AGO3: variants seen among roughly 807,000 people sequenced by gnomAD.
AGO3 encodes argonaute RISC catalytic component 3.
In AGO3, 16 loss-of-function variants were observed where a neutral mutation model predicts 105.5. The ratio of observed to expected loss-of-function variants is 0.15; its 90% CI spans 0.10 to 0.23. The LOEUF is 0.23. Ranked by LOEUF, AGO3 falls within the 10% of genes least tolerant of loss-of-function variation. The pLI is 1.00. For missense variants in AGO3, 534 were observed against 1,088.0 expected, an observed-to-expected ratio of 0.49 and a Z score of 7.16; for synonymous variants, 340 against 367.3, an observed-to-expected ratio of 0.93 and a Z score of 0.85.
At chr1:36,009,680 C>A in intron 9 of AGO3, 86 bp downstream of exon 9, 2 of 1,309,150 alleles carry the variant, frequency 1.5e-6, no homozygotes, top group Non-Finnish European at 2.1e-6. Flanking sequence ...TCAACCCATA[C>A]CTTATGACCA....
chr1:35,971,888 A>C (rs1041852402), intron 3 of AGO3, 136 bp from the exon 4 acceptor site: 11 of 728,594 alleles, frequency 1.5e-5, no homozygotes, highest in East Asian at 5.9e-5. Flanking sequence ...TTTTATCTAC[A>C]AAAAAAAATG....
chr1:35,953,007 T>A (rs1646501386), intron 2 of AGO3, among the ~76,000 whole-genome samples: 1 of 152,374 alleles, frequency 6.6e-6, no homozygotes, highest in Middle Eastern at 3.4e-3. Flanking sequence ...ATAATGCTGC[T>A]ATAAACATTC....
intron 11 of AGO3, among the ~76,000 whole-genome samples, chr1:36,023,382 A>G (rs1641337733): frequency 6.6e-6 from 1 of 152,230 alleles, no homozygotes; most frequent in Non-Finnish European, 1.5e-5. Flanking sequence ...TAAAAGAAAA[A>G]CTAGACAAAT....
rs772112154 is a variant in AGO3 at position 35,931,437 on chromosome 1, G to C, written c.11G>C (p.Gly4Ala). 3 of 1,517,560 alleles carry C rather than the reference G, an allele frequency of 2.0e-6. 1 individual carries two copies. The South Asian group carries it at 3.8e-5, about 19-fold the overall frequency. 94.0% of individuals were successfully genotyped at this position (1,517,560 alleles called of 1,614,324 possible). ...CCCCCAGCTCCATGAATGGAAATCG[G>C]CTCCGCAGGTGAGTCAGAGTAGCTG... MEI[G>A]SAGPAGAQPL... The change falls in exon 1 of 19, where the codon GGC becomes GCC. Residue 4 changes from glycine to alanine, a missense_variant. By Grantham distance (60) the Gly-to-Ala change is moderately conservative (BLOSUM62 0). Coordinates refer to ENST00000373191, the MANE Select transcript of AGO3 (RefSeq NM_024852.4).
Position 36,069,391 on chromosome 1 carries a change from C to T in AGO3, c.*13646C>T, listed in dbSNP as rs1293176293. 6.6e-6 allele frequency: 1 copy of T among 151,778 alleles called. No homozygotes were observed. The highest frequency in any genetic ancestry group is 1.5e-5 in the Non-Finnish European group (1 of 68,030). 9.4% of individuals were successfully genotyped at this position (151,778 alleles called of 1,614,324 possible). Reference sequence around the variant, plus strand: ...AGTGCTGGGATTATAGGCATGATCACTAAATTGTTGTAAGAATAAGATAAT... The same window carrying T: ...AGTGCTGGGATTATAGGCATGATCATTAAATTGTTGTAAGAATAAGATAAT... On this transcript the variant is annotated 3_prime_UTR_variant, in exon 19 of 19. Coordinates refer to ENST00000373191, the MANE Select transcript of AGO3 (RefSeq NM_024852.4).
chr1:35,993,669 A>G (rs1261898550), intron 5 of AGO3, among the ~76,000 whole-genome samples: 1 of 151,994 alleles, frequency 6.6e-6, no homozygotes, highest in African/African-American at 2.4e-5. Flanking sequence ...TAATGTAAGG[A>G]AAAATAACAT....
intron 1 of AGO3, among the ~76,000 whole-genome samples, chr1:35,936,306 G>C (rs1014658879): frequency 2.0e-5 from 3 of 151,786 alleles, no homozygotes; most frequent in Admixed American, 1.3e-4. Context: ...TCACACAACT[G>C]ATGCTTTCTC....
chr1:36,003,338 A>G (rs578100181), intron 5 of AGO3, among the ~76,000 whole-genome samples: 14 of 152,286 alleles, frequency 9.2e-5, no homozygotes, highest in African/African-American at 3.1e-4. Flanking sequence ...TTAAGAAATC[A>G]TAGTGGTTGA....
intron 11 of AGO3, among the ~76,000 whole-genome samples, chr1:36,016,285 G>A (rs961710114): frequency 3.9e-5 from 6 of 152,110 alleles, no homozygotes; most frequent in Admixed American, 1.3e-4. Flanking sequence ...AGGTTCAAGC[G>A]GTTCTCCTGC....
chr1:36,043,279 A>G, intron 16 of AGO3, 168 bp from the exon 17 acceptor site: 1 of 586,258 alleles, frequency 1.7e-6, no homozygotes. Flanking sequence ...ATGTAAGAAT[A>G]GGAACTAGGA....
chr1:36,003,236 A>G (rs1640176962), intron 5 of AGO3, among the ~76,000 whole-genome samples: 1 of 151,914 alleles, frequency 6.6e-6, no homozygotes, highest in Non-Finnish European at 1.5e-5. Context: ...CCTATATAAC[A>G]CATAATAGCC....
intron 11 of AGO3, among the ~76,000 whole-genome samples, chr1:36,019,190 C>G (rs747758854): frequency 6.6e-6 from 1 of 152,126 alleles, no homozygotes; most frequent in Admixed American, 6.6e-5. Flanking sequence ...GGTGAAAATA[C>G]ACTTTGGCAT....
chr1:35,999,561 T>C (rs1045516177), intron 5 of AGO3, among the ~76,000 whole-genome samples: 5 of 152,220 alleles, frequency 3.3e-5, no homozygotes, highest in African/African-American at 1.2e-4. Flanking sequence ...GAGATACTTA[T>C]TACTTCCATA....
chr1:35,946,830 C>T (rs12137062), intron 2 of AGO3, among the ~76,000 whole-genome samples: 1 of 152,166 alleles, frequency 6.6e-6, no homozygotes, highest in South Asian at 2.1e-4. Context: ...ATGCAGAGTT[C>T]TTTGTGAGGT....
At chr1:35,958,592 G>T in intron 2 of AGO3, among the ~76,000 whole-genome samples, 1 of 151,652 alleles carries the variant, frequency 6.6e-6, no homozygotes, top group Middle Eastern at 3.2e-3. Flanking sequence ...GGCAGAGGTT[G>T]CTGTGAGCTG....
chr1:35,995,449 C>G (rs901508155), intron 5 of AGO3, among the ~76,000 whole-genome samples: 2 of 151,600 alleles, frequency 1.3e-5, no homozygotes, highest in African/African-American at 2.4e-5. Flanking sequence ...CAGAATAGAC[C>G]CACTAATGTA....
At chr1:35,934,063 CTT>C (rs1231531517) in intron 1 of AGO3, among the ~76,000 whole-genome samples, 1 of 152,110 alleles carries the variant, frequency 6.6e-6, no homozygotes, top group Non-Finnish European at 1.5e-5. Context: ...GTCTGTGACT[CTT>C]TAGTTGGGGA....
At chr1:35,995,402 T>TAAG (rs899449122) in intron 5 of AGO3, among the ~76,000 whole-genome samples, 12 of 151,946 alleles carry the variant, frequency 7.9e-5, no homozygotes, top group African/African-American at 2.9e-4. Flanking sequence ...AAAACAGTGA[T>TAAG]ACTGGGGTAA....
rs1013519880 is a variant in AGO3, at chr1:36,065,929, C to G, written c.*10184C>G. On this transcript the variant is annotated 3_prime_UTR_variant, in exon 19 of 19. Transcript: ENST00000373191. ...ACCAGCCTGGCCAACATGGCAAAACCCTGTCTCTTCTAAAAATACAAAAAT... is the reference window on the plus strand; with the variant it reads ...ACCAGCCTGGCCAACATGGCAAAACGCTGTCTCTTCTAAAAATACAAAAAT... 2.0e-5 allele frequency: 3 copies of G among 151,800 alleles called. No individual in the cohort carries two copies. The highest frequency in any genetic ancestry group is 2.9e-5 in the Non-Finnish European group (2 of 68,114). 9.4% of individuals were successfully genotyped at this position (151,800 alleles called of 1,614,324 possible).
Sources: allele counts gnomAD v4.1 joint callset (sites outside exome capture counted in the v4.1 genomes callset), GRCh38; gene constraint gnomAD v4.1.1; transcripts MANE v1.5; gene names NCBI Gene and HGNC (gene_info 2026-07-23, HGNC 2026-07-21).